CMTM3: variants seen among roughly 807,000 people sequenced by gnomAD.
CMTM3 encodes CKLF-like MARVEL transmembrane domain-containing protein 3.
In CMTM3, 7 loss-of-function variants were observed where a neutral mutation model predicts 18.2. That is an observed-to-expected ratio of 0.38 (90% CI 0.22 to 0.72). CMTM3 has a LOEUF of 0.72. Among genes scored for constraint, CMTM3 ranks in the 30% least tolerant of loss-of-function variants. The pLI is 0.46. For missense variants in CMTM3, 227 were observed against 249.2 expected (o/e 0.91, Z 0.60); for synonymous variants, 109 against 111.2 (o/e 0.98, Z 0.12).
At position 66,612,692 on chromosome 16, in the gene CMTM3, T is replaced by C; in HGVS notation, c.*55T>C. ...CCACACAGGCCTCCACCCCTGCGCC[T>C]CACAGGGGTCGCTGGCGTTGGAGCG... On this transcript the variant is annotated 3_prime_UTR_variant, in exon 5 of 5. Coordinates refer to ENST00000567572, the MANE Select transcript of CMTM3 (RefSeq NM_181553.4). The surrounding 1 kb of genome is among the most constrained non-coding windows in gnomAD (Gnocchi z 6.0). 6.5e-7 allele frequency: 1 copy of C among 1,547,266 alleles called. No individual in the cohort carries two copies. The highest frequency in any genetic ancestry group is 2.2e-5 in the East Asian group (1 of 44,504).
intron 1 of CMTM3, among the ~76,000 whole-genome samples, chr16:66,607,810 T>G (rs761918723): frequency 9.4e-5 from 14 of 149,020 alleles, no homozygotes; most frequent in Middle Eastern, 3.5e-3. Context: ...GGAGGCAGCA[T>G]AGGTGTGAGC....
chr16:66,604,656 GGGGGC>G (rs1203740078), upstream of CMTM3: 6 of 552,452 alleles, frequency 1.1e-5, no homozygotes, highest in Admixed American at 9.4e-5. Flanking sequence ...AGGAGCGGGT[GGGGGC>G]GGGGCGGGGC....
chr16:66,604,012 T>C (rs2015019171), upstream of CMTM3: 1 of 152,398 alleles, frequency 6.6e-6, no homozygotes, highest in Non-Finnish European at 1.5e-5. Flanking sequence ...TCTCTAGATG[T>C]GCACGCATGT....
chr16:66,604,817 AGACCCC>A lies in CMTM3; in HGVS notation c.24_29del (p.Asp11_Pro12del), dbSNP rs1327499737. The A allele has an allele frequency of 2.3e-6, 3 of 1,282,300 alleles. No individual in the cohort carries two copies. The highest frequency in any genetic ancestry group is 3.2e-5 in the East Asian group (1 of 30,996). The allele number at this position is 1,282,300 out of a possible 1,614,324, so 79.4% of individuals were successfully genotyped here. A position where few individuals can be genotyped will look rare whatever the true frequency, so the allele number is the denominator to read the frequency against. On this transcript the variant is annotated inframe_deletion, in exon 1 of 5. Transcript: ENST00000567572. ...CCGCCGCCGCCGCCATGTGGCCCCC[AGACCCC>A]GACCCCGACCCGGACCCCGAGCCTG...
At position 66,608,477 on chromosome 16, in the gene CMTM3, G is replaced by A. The variant is rs369460556; in HGVS notation, c.303+13G>A. 9 of 1,612,934 alleles carry A rather than the reference G, an allele frequency of 5.6e-6. No homozygotes were observed. Among genetic ancestry groups the A allele is most frequent in the Non-Finnish European group, 6.8e-6 (8 of 1,179,990 alleles). On this transcript the variant is annotated intron_variant, in intron 2 of 4. Transcript: ENST00000567572. The surrounding 1 kb of genome is among the most constrained non-coding windows in gnomAD (Gnocchi z 5.1). ...CTGGCCCATGATGGTGAGGACAGGG[G>A]CCCCAGGAGGGAGGGGTGCCCTGCA... is the stretch of plus-strand genomic sequence containing the variant.
In CMTM3 at chr16:66,610,102, C is replaced by G; in HGVS notation, c.520+99C>G. On this transcript the variant is annotated intron_variant, in intron 4 of 4. Transcript: ENST00000567572. The surrounding 1 kb of genome is among the most constrained non-coding windows in gnomAD (Gnocchi z 4.6). Reference sequence around the variant, plus strand: ...TGAGGCTGGGGTGGGATCATTTCCTCTCTCCCCATGGCAGGAAGTGTTTTC... The same window carrying G: ...TGAGGCTGGGGTGGGATCATTTCCTGTCTCCCCATGGCAGGAAGTGTTTTC... 6.8e-7 allele frequency: 1 copy of G among 1,467,236 alleles called. No individual in the cohort carries two copies. The highest frequency in any genetic ancestry group is 1.2e-5 in the South Asian group (1 of 82,314). 90.9% of individuals were successfully genotyped at this position (1,467,236 alleles called of 1,614,324 possible). A position where few individuals can be genotyped will look rare whatever the true frequency, so the allele number is the denominator to read the frequency against.
At position 66,609,482 on chromosome 16, in the gene CMTM3, C is replaced by T. The variant is rs1400215294; in HGVS notation, c.351C>T (p.Ser117=). 3 of 1,611,762 alleles carry T rather than the reference C, an allele frequency of 1.9e-6. No homozygotes were observed. The highest frequency in any genetic ancestry group is 1.3e-5 in the African/African-American group (1 of 74,926). ...VTAALIYFAI[S]ITAIAKYSDG... is the part of the protein sequence containing the mutation. ...CGGCCCTCATCTACTTTGCTATCTC[C>T]ATCACGGCCATCGCCAAGTACTCGG... Residue 117 remains serine, a synonymous_variant, in exon 3 of 5, where the codon TCC becomes TCT. Transcript: ENST00000567572. The surrounding 1 kb of genome is among the most constrained non-coding windows in gnomAD (Gnocchi z 4.4).
Position 66,609,759 on chromosome 16 carries a change from G to A in CMTM3, c.400-124G>A, listed in dbSNP as rs1276743055. On this transcript the variant is annotated intron_variant, in intron 3 of 4. Coordinates refer to ENST00000567572, the MANE Select transcript of CMTM3 (RefSeq NM_181553.4). The surrounding 1 kb of genome is among the most constrained non-coding windows in gnomAD (Gnocchi z 4.4). Reference sequence around the variant, plus strand: ...ATTTTCCCACTTCCGTTACTCACAGGGGTCTGTGCCTGACACTCGGGCTGT... The same window carrying A: ...ATTTTCCCACTTCCGTTACTCACAGAGGTCTGTGCCTGACACTCGGGCTGT... 1 of 1,595,764 alleles carries A rather than the reference G, an allele frequency of 6.3e-7. No homozygotes were observed. Among genetic ancestry groups the A allele is most frequent in the South Asian group, 1.1e-5 (1 of 89,704 alleles).
rs2015280726 is a variant in CMTM3, at chr16:66,609,331, C to T, written c.304-104C>T. 3.1e-6 allele frequency: 3 copies of T among 958,064 alleles called. No individual in the cohort carries two copies. The highest frequency in any genetic ancestry group is 3.2e-6 in the Non-Finnish European group (2 of 629,960). 59.3% of individuals were successfully genotyped at this position (958,064 alleles called of 1,614,324 possible). On this transcript the variant is annotated intron_variant, in intron 2 of 4. Coordinates refer to ENST00000567572, the MANE Select transcript of CMTM3 (RefSeq NM_181553.4). The surrounding 1 kb of genome is among the most constrained non-coding windows in gnomAD (Gnocchi z 4.4). ...GGGGCCAGGATGGGATAGGAGCCCT[C>T]AGGTGCTAGGCCTGGGGCTGGGAAC...
In CMTM3 at chr16:66,613,487, T is replaced by C. The variant is rs2015460631; in HGVS notation, c.*850T>C. The C allele has an allele frequency of 4.1e-6, 1 of 243,658 alleles. No homozygotes were observed. Among genetic ancestry groups the C allele is most frequent in the East Asian group, 8.1e-5 (1 of 12,392 alleles). 15.1% of individuals were successfully genotyped at this position (243,658 alleles called of 1,614,324 possible). A position where few individuals can be genotyped will look rare whatever the true frequency, so the allele number is the denominator to read the frequency against. On this transcript the variant is annotated 3_prime_UTR_variant, in exon 5 of 5. Transcript: ENST00000567572. ...ACTTCCAGACCTCAGGGCAGGTCTA[T>C]GGGCCACTGCAGGAGATGAGACCAG...
In CMTM3 at chr16:66,613,283, A is replaced by G. The variant is rs2015453259; in HGVS notation, c.*646A>G. On this transcript the variant is annotated 3_prime_UTR_variant, in exon 5 of 5. Transcript: ENST00000567572. ...CATGTCTTCTGGGGGTGAGATGACC[A>G]TTCTGGGTCTAAGACTGTTTCAAAG... 1 of 626,514 alleles carries G rather than the reference A, an allele frequency of 1.6e-6. No individual in the cohort carries two copies. The highest frequency in any genetic ancestry group is 2.9e-6 in the Non-Finnish European group (1 of 348,722). The allele number at this position is 626,514 out of a possible 1,614,324, so 38.8% of individuals were successfully genotyped here.
At position 66,608,371 on chromosome 16, in the gene CMTM3, G is replaced by C. The variant is rs2015240839; in HGVS notation, c.210G>C (p.Ala70=). 6.2e-6 allele frequency: 10 copies of C among 1,614,132 alleles called. No individual in the cohort carries two copies. Among genetic ancestry groups the C allele is most frequent in the Non-Finnish European group, 8.5e-6 (10 of 1,180,020 alleles). The part of the protein sequence containing the change: ...VASSASAFLT[A]PLLEFLLALY... Reference sequence around the variant, plus strand: ...CCTCAGCATCTGCCTTCCTCACAGCGCCTCTGCTGGAGTTCCTGCTGGCCT... The same window carrying C: ...CCTCAGCATCTGCCTTCCTCACAGCCCCTCTGCTGGAGTTCCTGCTGGCCT... The change falls in exon 2 of 5, where the codon GCG becomes GCC. Residue 70 remains alanine, a synonymous_variant. Transcript: ENST00000567572. This position sits in a 1 kb window ranked among gnomAD's most constrained non-coding sequence, Gnocchi z 5.1.
chr16:66,610,823 G>A lies in CMTM3; in HGVS notation c.520+820G>A. 1 of 398,658 alleles carries A rather than the reference G, an allele frequency of 2.5e-6. No individual in the cohort carries two copies. The highest frequency in any genetic ancestry group is 1.3e-4 in the South Asian group (1 of 7,858). The allele number at this position is 398,658 out of a possible 1,614,324, so 24.7% of individuals were successfully genotyped here. A position where few individuals can be genotyped will look rare whatever the true frequency, so the allele number is the denominator to read the frequency against. ...TCCCTAGGCAGGACCAGTAGGTTAG[G>A]CTTAAGAGCCACTGGTTTCCTAACA... On this transcript the variant is annotated intron_variant, in intron 4 of 4. Coordinates refer to ENST00000567572, the MANE Select transcript of CMTM3 (RefSeq NM_181553.4). The surrounding 1 kb of genome is among the most constrained non-coding windows in gnomAD (Gnocchi z 4.6).
chr16:66,605,309 GGCC>G lies in CMTM3; in HGVS notation c.147+360_147+362del, dbSNP rs2015099024. 1 of 185,346 alleles carries G rather than the reference GGCC, an allele frequency of 5.4e-6. No homozygotes were observed. Among genetic ancestry groups the G allele is most frequent in the Admixed American group, 6.2e-5 (1 of 16,182 alleles). The allele number at this position is 185,346 out of a possible 1,614,324, so 11.5% of individuals were successfully genotyped here. A position where few individuals can be genotyped will look rare whatever the true frequency, so the allele number is the denominator to read the frequency against. ...GCAACTCGGACCTCCGGGACTCCCG[GGCC>G]GCAGCGGGGTCCGCTTTCCTGCGAG... On this transcript the variant is annotated intron_variant, in intron 1 of 4. Coordinates refer to ENST00000567572, the MANE Select transcript of CMTM3 (RefSeq NM_181553.4). This position sits in a 1 kb window ranked among gnomAD's most constrained non-coding sequence, Gnocchi z 4.6.
At chr16:66,607,007 A>G (rs552557036) in intron 1 of CMTM3, among the ~76,000 whole-genome samples, 77 of 152,178 alleles carry the variant, frequency 5.1e-4, no homozygotes, top group Non-Finnish European at 8.4e-4. Flanking sequence ...GGCGGAGGTA[A>G]GATAACTCTA....
chr16:66,613,299 T>C lies in CMTM3; in HGVS notation c.*662T>C, dbSNP rs954595990. 8.3e-6 allele frequency: 5 copies of C among 602,734 alleles called. No individual in the cohort carries two copies. In the South Asian group the frequency reaches 9.7e-5, roughly 12 times the overall value. 37.3% of individuals were successfully genotyped at this position (602,734 alleles called of 1,614,324 possible). ...GAGATGACCATTCTGGGTCTAAGACTGTTTCAAAGAAGAGCTCATAGACTG... is the reference window on the plus strand; with the variant it reads ...GAGATGACCATTCTGGGTCTAAGACCGTTTCAAAGAAGAGCTCATAGACTG... On this transcript the variant is annotated 3_prime_UTR_variant, in exon 5 of 5. Coordinates refer to ENST00000567572, the MANE Select transcript of CMTM3 (RefSeq NM_181553.4).
rs1597208537 is a variant in CMTM3, at chr16:66,609,172, G to A, written c.304-263G>A. On this transcript the variant is annotated intron_variant, in intron 2 of 4. Transcript: ENST00000567572. The surrounding 1 kb of genome is among the most constrained non-coding windows in gnomAD (Gnocchi z 4.4). ...CTTCCACCGCATCGCAGGGCAGGCT[G>A]CACCCTGATCCACACAGTTTTTTGC... Among the ~76,000 whole-genome samples, 1 of 151,626 alleles carries A rather than the reference G, an allele frequency of 6.6e-6. No homozygotes were observed. Among genetic ancestry groups the A allele is most frequent in the Admixed American group, 6.6e-5 (1 of 15,244 alleles).
chr16:66,613,065 C>T lies in CMTM3; in HGVS notation c.*428C>T, dbSNP rs1236265865. ...CATGACAGGGCTGCCCCGCCAGGCC[C>T]CGGTGGGTTTGTCTGCACTTGGTGC... On this transcript the variant is annotated 3_prime_UTR_variant, in exon 5 of 5. Coordinates refer to ENST00000567572, the MANE Select transcript of CMTM3 (RefSeq NM_181553.4). 3 of 703,034 alleles carry T rather than the reference C, an allele frequency of 4.3e-6. No individual in the cohort carries two copies. The highest frequency in any genetic ancestry group is 4.0e-5 in the Admixed American group (2 of 50,008). The allele number at this position is 703,034 out of a possible 1,614,324, so 43.5% of individuals were successfully genotyped here.
chr16:66,608,205 C>G lies in CMTM3; in HGVS notation c.148-104C>G, dbSNP rs552049651. On this transcript the variant is annotated intron_variant, in intron 1 of 4. Transcript: ENST00000567572. The surrounding 1 kb of genome is among the most constrained non-coding windows in gnomAD (Gnocchi z 5.1). ...GCGGGACTGTGAGCAGTTGGCTTCC[C>G]CTGCTGGAACCTCCTCTATCCTGAC... 1 of 1,317,256 alleles carries G rather than the reference C, an allele frequency of 7.6e-7. No individual in the cohort carries two copies. Among genetic ancestry groups the G allele is most frequent in the African/African-American group, 1.5e-5 (1 of 68,340 alleles). The allele number at this position is 1,317,256 out of a possible 1,614,324, so 81.6% of individuals were successfully genotyped here.
Sources: gnomAD v4.1 joint callset for allele counts (sites outside exome capture counted in the v4.1 genomes callset) on GRCh38, gnomAD v4.1.1 for gene constraint, Gnocchi (gnomAD v3.1) non-coding constraint, MANE v1.5 for transcripts, NCBI Gene and HGNC (gene_info 2026-07-23, HGNC 2026-07-21) for gene names.